The following CUL3 variants were observed in gnomAD, a reference collection of about 807,000 sequenced individuals.
CUL3 encodes the protein cullin 3.
Under a neutral mutation model 89.1 loss-of-function variants are expected in CUL3, and 19 were observed. The observed-to-expected ratio is 0.21, with a 90% CI of 0.15 to 0.31. CUL3 has a LOEUF of 0.31. Ranked by LOEUF, CUL3 falls within the 10% of genes least tolerant of loss-of-function variation. CUL3 has a pLI of 1.00. For synonymous variants in CUL3, 351 were observed against 308.4 expected (o/e 1.14, Z -1.45); for missense variants, 469 against 942.3 (o/e 0.50, Z 6.58).
intron 3 of CUL3, among the ~76,000 whole-genome samples, chr2:224,521,494 G>A (rs1270353872): frequency 6.6e-6 from 1 of 150,614 alleles, no homozygotes; most frequent in Non-Finnish European, 1.5e-5. Flanking sequence ...GCAGTGGCAC[G>A]ATCTCGGTTC....
chr2:224,562,196 T>C (rs1052262624), intron 1 of CUL3, among the ~76,000 whole-genome samples: 1 of 152,046 alleles, frequency 6.6e-6, no homozygotes, highest in Non-Finnish European at 1.5e-5. Flanking sequence ...TTCACATATA[T>C]ACATCAAGAG....
At position 224,511,539 on chromosome 2, in the gene CUL3, T is replaced by C. The variant is rs1305149903; in HGVS notation, c.698A>G (p.Tyr233Cys). 5 of 1,610,604 alleles carry C rather than the reference T, an allele frequency of 3.1e-6. No individual in the cohort carries two copies. The highest frequency in any genetic ancestry group is 3.4e-6 in the Non-Finnish European group (4 of 1,178,398). Residue 233 changes from tyrosine (Y) to cysteine (C), a missense_variant, in exon 6 of 16, where the codon TAT (tyrosine) becomes TGT (cysteine). Transcript: ENST00000264414. ...AATTCTAGCTTCTACTTTCTTTATA[T>C]ATACTGAAGCACTATTTTCTGCTAA... ...KFLAENSASV[Y>C]IKKVEARINE...
chr2:224,480,007 ACAC>A (rs1451046497), intron 14 of CUL3: 1 of 150,160 alleles, frequency 6.7e-6, no homozygotes, highest in Non-Finnish European at 1.5e-5. Flanking sequence ...GCCTAACACA[ACAC>A]TCCTCACTTG....
intron 1 of CUL3, among the ~76,000 whole-genome samples, chr2:224,579,663 G>T (rs946078972): frequency 6.6e-6 from 1 of 152,114 alleles, no homozygotes; most frequent in Admixed American, 6.5e-5. Context: ...TCTAGCATTA[G>T]GGAGTGGGCA....
chr2:224,542,556 C>T (rs1014656612), intron 2 of CUL3, among the ~76,000 whole-genome samples: 37 of 150,488 alleles, frequency 2.5e-4, no homozygotes, highest in Admixed American at 8.6e-4. Flanking sequence ...TGTGCGTGTG[C>T]GTGTGTGTGT....
At chr2:224,505,326 G>A (rs574065434) in intron 8 of CUL3, among the ~76,000 whole-genome samples, 4 of 152,062 alleles carry the variant, frequency 2.6e-5, no homozygotes, top group South Asian at 4.2e-4. Context: ...TAGTAGAGAT[G>A]GGGTTTCACC....
At position 224,478,348 on chromosome 2, in the gene CUL3, A is replaced by G. The variant is rs1394913111; in HGVS notation, c.2030-3T>C. 3 of 1,604,622 alleles carry G rather than the reference A, an allele frequency of 1.9e-6. No homozygotes were observed. Among genetic ancestry groups the G allele is most frequent in the Middle Eastern group, 1.7e-4 (1 of 6,000 alleles). On this transcript the variant is annotated splice_region_variant and splice_polypyrimidine_tract_variant and intron_variant, in intron 14 of 15. Coordinates refer to ENST00000264414, the MANE Select transcript of CUL3 (RefSeq NM_003590.5). ...GGATTCACCTTGTTTGGCAGCAACTAAAATAGAAATAAAGACATTTATCAT... is the reference window on the plus strand; with the variant it reads ...GGATTCACCTTGTTTGGCAGCAACTGAAATAGAAATAAAGACATTTATCAT...
intron 3 of CUL3, among the ~76,000 whole-genome samples, chr2:224,526,883 T>C (rs1031986259): frequency 1.3e-5 from 2 of 150,142 alleles, no homozygotes; most frequent in Admixed American, 6.6e-5. Context: ...AAATATTAAA[T>C]AACATTTTTA....
intron 2 of CUL3, among the ~76,000 whole-genome samples, chr2:224,549,648 A>G (rs1694435742): frequency 6.6e-6 from 1 of 152,174 alleles, no homozygotes; most frequent in African/African-American, 2.4e-5. Flanking sequence ...AAAGTGCTCA[A>G]CAGGAGTTAG....
intron 1 of CUL3, among the ~76,000 whole-genome samples, chr2:224,575,219 T>C (rs989443397): frequency 2.6e-5 from 4 of 152,180 alleles, no homozygotes; most frequent in African/African-American, 9.7e-5. Flanking sequence ...TCTCAAGAGA[T>C]AGCTTAAGGA....
In CUL3 at chr2:224,585,205, A is replaced by C. The variant is rs1574715577; in HGVS notation, c.-196T>G. The C allele has an allele frequency of 2.9e-6, 1 of 340,012 alleles. No homozygotes were observed. The highest frequency in any genetic ancestry group is 5.1e-6 in the Non-Finnish European group (1 of 197,398). The allele number at this position is 340,012 out of a possible 1,614,324, so 21.1% of individuals were successfully genotyped here. A position where few individuals can be genotyped will look rare whatever the true frequency, so the allele number is the denominator to read the frequency against. ...GGCGGCGGCGGCGGCGGCGGCTCGG[A>C]CTCTGGCGACTCCGATGCGGCTGGG... is the stretch of plus-strand genomic sequence containing the variant. On this transcript the variant is annotated 5_prime_UTR_variant, in exon 1 of 16. Coordinates refer to ENST00000264414, the MANE Select transcript of CUL3 (RefSeq NM_003590.5).
Position 224,511,459 on chromosome 2 carries a change from T to A in CUL3, c.778A>T (p.Ile260Phe). 1 of 1,613,678 alleles carries A rather than the reference T, an allele frequency of 6.2e-7. No homozygotes were observed. Among genetic ancestry groups the A allele is most frequent in the Non-Finnish European group, 8.5e-7 (1 of 1,179,636 alleles). The change falls in exon 6 of 16, where the codon ATT (isoleucine) becomes TTT (phenylalanine). Residue 260 changes from isoleucine to phenylalanine, a missense_variant. Transcript: ENST00000264414. ...HCLDKSTEEP[I>F]VKVVERELIS... ...AGTTCCCTTTCAACCACCTTTACAA[T>A]TGGTTCTTCCGTTGATTTGTCAAGG...
Position 224,585,162 on chromosome 2 carries a change from CGCGGCGGCGGCGGGGGCGGCGGCG to C in CUL3, c.-177_-154del, listed in dbSNP as rs1473875156. The C allele has an allele frequency of 2.6e-5, 9 of 345,456 alleles. No individual in the cohort carries two copies. The highest frequency in any genetic ancestry group is 2.4e-4 in the East Asian group (3 of 12,392). The allele number at this position is 345,456 out of a possible 1,614,324, so 21.4% of individuals were successfully genotyped here. A position where few individuals can be genotyped will look rare whatever the true frequency, so the allele number is the denominator to read the frequency against. On this transcript the variant is annotated 5_prime_UTR_variant, in exon 1 of 16. Coordinates refer to ENST00000264414, the MANE Select transcript of CUL3 (RefSeq NM_003590.5). ...GGGAGCTGGCCGGCCCCTGGGCAGC[CGCGGCGGCGGCGGGGGCGGCGGCG>C]GCGGCGGCGGCGGCTCGGACTCTGG...
In CUL3 at chr2:224,576,321, GACTGGACCGCAGACT is replaced by G. The variant is rs1357585145; in HGVS notation, c.66+8608_66+8622del. Among the ~76,000 whole-genome samples the G allele has an allele frequency of 4.1e-5, 6 of 146,688 alleles. No individual in the cohort carries two copies. In the East Asian group the frequency reaches 1.2e-3, roughly 28 times the overall value. ...GTAGACCACAGCTAGTAAACAGAAA[GACTGGACCGCAGACT>G]AAGTCTTCTAACTCCCAATTCAGGG... On this transcript the variant is annotated intron_variant, in intron 1 of 15. Coordinates refer to ENST00000264414, the MANE Select transcript of CUL3 (RefSeq NM_003590.5).
intron 2 of CUL3, among the ~76,000 whole-genome samples, chr2:224,547,012 C>T (rs1694329014): frequency 6.6e-6 from 1 of 152,126 alleles, no homozygotes; most frequent in South Asian, 2.1e-4. Flanking sequence ...ACTCCTGTCA[C>T]CACCATCCCA....
chr2:224,553,070 A>G (rs1694574035), intron 2 of CUL3, among the ~76,000 whole-genome samples: 1 of 152,118 alleles, frequency 6.6e-6, no homozygotes. Context: ...GAGACTTACT[A>G]CCTTAGGAAA....
rs1026460390 is a variant in CUL3 at position 224,470,441 on chromosome 2, T to C, written c.*3804A>G. On this transcript the variant is annotated 3_prime_UTR_variant, in exon 16 of 16. Coordinates refer to ENST00000264414, the MANE Select transcript of CUL3 (RefSeq NM_003590.5). ...CGGGTTTCAAGACATCCTAGTTGTT[T>C]TTCTCCTGAGAGCTGGCGTAATGGC... The C allele has an allele frequency of 1.7e-5, 4 of 230,872 alleles. No homozygotes were observed. Among genetic ancestry groups the C allele is most frequent in the African/African-American group, 4.4e-5 (2 of 45,222 alleles). 14.3% of individuals were successfully genotyped at this position (230,872 alleles called of 1,614,324 possible).
At chr2:224,574,031 A>C (rs1331439485) in intron 1 of CUL3, among the ~76,000 whole-genome samples, 2 of 152,208 alleles carry the variant, frequency 1.3e-5, no homozygotes, top group Admixed American at 6.5e-5. Flanking sequence ...GAAGAGGCTA[A>C]GTGTTGCTCA....
intron 11 of CUL3, among the ~76,000 whole-genome samples, chr2:224,498,165 A>T (rs958468715): frequency 2.6e-4 from 40 of 152,176 alleles, no homozygotes; most frequent in African/African-American, 9.4e-4. Context: ...TAGTAACCCA[A>T]TAATCAATTT....
Sources: allele counts gnomAD v4.1 joint callset (sites outside exome capture counted in the v4.1 genomes callset), GRCh38; gene constraint gnomAD v4.1.1; transcripts MANE v1.5; gene names NCBI Gene and HGNC (gene_info 2026-07-23, HGNC 2026-07-21).